Variants in MAB21L3 observed in about 807,000 individuals in gnomAD.
The protein encoded by MAB21L3 is mab-21 like 3.
In MAB21L3, 36 loss-of-function variants were observed where a neutral mutation model predicts 37.7. That is an observed-to-expected ratio of 0.96 (90% confidence interval 0.73 to 1.26). The LOEUF (loss-of-function observed/expected upper bound fraction) is 1.26, where lower values mean the gene tolerates loss of function less well. MAB21L3 is among the 50% of genes most tolerant of loss of function. The pLI is 0.00. For missense variants in MAB21L3, 430 were observed against 447.3 expected (o/e 0.96, Z 0.35); for synonymous variants, 186 against 176.8 (o/e 1.05, Z -0.41).
intron 3 of MAB21L3, among the ~76,000 whole-genome samples, chr1:116,118,378 CAA>C (rs71686471): frequency 4.6e-4 from 66 of 143,462 alleles, no homozygotes; most frequent in African/African-American, 1.1e-3. Flanking sequence ...GAGAATCCAT[CAA>C]AAAAAAAAAA....
At position 116,135,305 on chromosome 1, in the gene MAB21L3, G is replaced by T. The variant is rs550343049; in HGVS notation, c.*1940G>T. 4.6e-5 allele frequency: 7 copies of T among 151,964 alleles called. No homozygotes were observed. The highest frequency in any genetic ancestry group is 2.1e-4 in the South Asian group (1 of 4,824). 9.4% of individuals were successfully genotyped at this position (151,964 alleles called of 1,614,324 possible). On this transcript the variant is annotated 3_prime_UTR_variant, in exon 8 of 8. Coordinates refer to ENST00000369500, the MANE Select transcript of MAB21L3 (RefSeq NM_152367.3). The stretch of plus-strand genomic sequence containing the variant: ...AAATGATAAAGGGGATATCACCACC[G>T]ATCCCACAGAAATACAAACTACCAT...
Position 116,136,413 on chromosome 1 carries a change from A to C in MAB21L3, c.*3048A>C, listed in dbSNP as rs1660199281. 6.6e-6 allele frequency among the ~76,000 whole-genome samples: 1 copy of C among 151,984 alleles called. No individual in the cohort carries two copies. The highest frequency in any genetic ancestry group is 2.1e-4 in the South Asian group (1 of 4,828). Reference sequence around the variant, plus strand: ...AATAAAATACTTAGGAATCCAACTTACAAGGGACGTGAAGGACCTCTTCAA... The same window carrying C: ...AATAAAATACTTAGGAATCCAACTTCCAAGGGACGTGAAGGACCTCTTCAA... On this transcript the variant is annotated 3_prime_UTR_variant, in exon 8 of 8. Coordinates refer to ENST00000369500, the MANE Select transcript of MAB21L3 (RefSeq NM_152367.3).
intron 7 of MAB21L3, among the ~76,000 whole-genome samples, chr1:116,130,603 G>A (rs940142245): frequency 1.2e-4 from 19 of 152,200 alleles, no homozygotes; most frequent in African/African-American, 4.1e-4. Flanking sequence ...AGTGGAAGAG[G>A]TTGGGTTGCA....
At chr1:116,122,189 C>G (rs140531886) in intron 4 of MAB21L3, among the ~76,000 whole-genome samples, 43 of 152,260 alleles carry the variant, frequency 2.8e-4, no homozygotes, top group African/African-American at 9.9e-4. Context: ...GCAGGAACCA[C>G]CTAAGAGATT....
chr1:116,127,083 G>A (rs1340648282), intron 5 of MAB21L3, among the ~76,000 whole-genome samples: 4 of 152,136 alleles, frequency 2.6e-5, no homozygotes, highest in East Asian at 3.8e-4. Flanking sequence ...TGACCTCATC[G>A]TAAGTCAAGG....
At chr1:116,119,741 C>A (rs1659690639) in intron 3 of MAB21L3, among the ~76,000 whole-genome samples, 3 of 152,158 alleles carry the variant, frequency 2.0e-5, no homozygotes, top group African/African-American at 7.2e-5. Context: ...CTTGCAGACC[C>A]TTCCGTATCT....
chr1:116,121,605 C>T (rs1659751221), intron 4 of MAB21L3, among the ~76,000 whole-genome samples: 1 of 151,878 alleles, frequency 6.6e-6, no homozygotes, highest in Non-Finnish European at 1.5e-5. Flanking sequence ...GAACTGAGGG[C>T]ATCCATAAGA....
At chr1:116,125,765 C>G (rs1346777015) in intron 5 of MAB21L3, among the ~76,000 whole-genome samples, 1 of 151,854 alleles carries the variant, frequency 6.6e-6, no homozygotes. Flanking sequence ...AGTAAGAATT[C>G]TTTTCCTACC....
chr1:116,132,039 C>T (rs1660078740), intron 7 of MAB21L3, among the ~76,000 whole-genome samples: 1 of 152,096 alleles, frequency 6.6e-6, no homozygotes, highest in Admixed American at 6.5e-5. Context: ...GGAGGCAGAT[C>T]AGGTTTGTGC....
At chr1:116,113,987 C>A (rs1426071891) in intron 3 of MAB21L3, among the ~76,000 whole-genome samples, 2 of 152,274 alleles carry the variant, frequency 1.3e-5, no homozygotes, top group South Asian at 4.1e-4. Flanking sequence ...GGCCAAGGGC[C>A]CCAGCTCCTC....
intron 5 of MAB21L3, among the ~76,000 whole-genome samples, chr1:116,124,718 T>C (rs1230943634): frequency 2.6e-5 from 4 of 152,182 alleles, no homozygotes; most frequent in Admixed American, 2.0e-4. Flanking sequence ...ACATTTCTAC[T>C]GCAGCACCTC....
rs1660185249 is a variant in MAB21L3, at chr1:116,135,619, C to A, written c.*2254C>A. On this transcript the variant is annotated 3_prime_UTR_variant, in exon 8 of 8. Coordinates refer to ENST00000369500, the MANE Select transcript of MAB21L3 (RefSeq NM_152367.3). ...TTGAAAAAGAGGGAATCCTCCCTAA[C>A]TCATTTTATGAGGCCAGCATCATCC... 1.3e-5 allele frequency among the ~76,000 whole-genome samples: 2 copies of A among 152,246 alleles called. No individual in the cohort carries two copies. The highest frequency in any genetic ancestry group is 4.8e-5 in the African/African-American group (2 of 41,456).
rs59565874 is a variant in MAB21L3, at chr1:116,124,890, TACAC to T, written c.481+546_481+549del. 1.1e-4 allele frequency among the ~76,000 whole-genome samples: 13 copies of T among 116,042 alleles called. No individual in the cohort carries two copies. The East Asian group carries it at 1.9e-3, about 17-fold the overall frequency. 76.1% of individuals were successfully genotyped at this position (116,042 alleles called of 152,430 possible). A position where few individuals can be genotyped will look rare whatever the true frequency, so the allele number is the denominator to read the frequency against. ...ATGCATACACACACACACACACACA[TACAC>T]ACACACACACACTCCCTTTTTGTTC... is the stretch of plus-strand genomic sequence containing the variant. On this transcript the variant is annotated intron_variant, in intron 5 of 7. Coordinates refer to ENST00000369500, the MANE Select transcript of MAB21L3 (RefSeq NM_152367.3).
chr1:116,121,129 G>A, intron 4 of MAB21L3, 57 bp downstream of exon 4: 5 of 1,521,200 alleles, frequency 3.3e-6, no homozygotes, highest in Non-Finnish European at 4.5e-6. Context: ...ACTTGGGCAG[G>A]TGAATCTCAG....
chr1:116,128,020 C>T, intron 6 of MAB21L3, 125 bp from the exon 7 acceptor site: 1 of 1,007,114 alleles, frequency 9.9e-7, no homozygotes, highest in Non-Finnish European at 1.4e-6. Context: ...CCTTCTCATC[C>T]CCACGTAGGA....
Position 116,136,421 on chromosome 1 carries a change from C to T in MAB21L3, c.*3056C>T, listed in dbSNP as rs879697789. Among the ~76,000 whole-genome samples the T allele has an allele frequency of 0.021, 3,144 of 151,562 alleles. 70 individuals are homozygous for T. Among genetic ancestry groups the T allele is most frequent in the African/African-American group, 0.072 (2,986 of 41,342 alleles). On this transcript the variant is annotated 3_prime_UTR_variant, in exon 8 of 8. Coordinates refer to ENST00000369500, the MANE Select transcript of MAB21L3 (RefSeq NM_152367.3). ...ACTTAGGAATCCAACTTACAAGGGA[C>T]GTGAAGGACCTCTTCAAGGAGAACT...
Position 116,137,703 on chromosome 1 carries a change from T to C in MAB21L3, c.*4338T>C, listed in dbSNP as rs1330999027. Among the ~76,000 whole-genome samples, 1 of 151,960 alleles carries C rather than the reference T, an allele frequency of 6.6e-6. No individual in the cohort carries two copies. The highest frequency in any genetic ancestry group is 1.9e-4 in the East Asian group (1 of 5,158). On this transcript the variant is annotated 3_prime_UTR_variant, in exon 8 of 8. Coordinates refer to ENST00000369500, the MANE Select transcript of MAB21L3 (RefSeq NM_152367.3). ...ATGTTTATTGCGGCATTATTCACAA[T>C]AGCAGACTTGGAACCAACCCAAATA...
In MAB21L3 at chr1:116,112,426, A is replaced by G. The variant is rs1304014774; in HGVS notation, c.-190A>G. 2.1e-6 allele frequency: 1 copy of G among 468,856 alleles called. No homozygotes were observed. The highest frequency in any genetic ancestry group is 3.8e-6 in the Non-Finnish European group (1 of 260,476). The allele number at this position is 468,856 out of a possible 1,614,324, so 29.0% of individuals were successfully genotyped here. A position where few individuals can be genotyped will look rare whatever the true frequency, so the allele number is the denominator to read the frequency against. On this transcript the variant is annotated 5_prime_UTR_variant, in exon 3 of 8. Coordinates refer to ENST00000369500, the MANE Select transcript of MAB21L3 (RefSeq NM_152367.3). ...CAAAAGATGACAGATGGATTTTCAC[A>G]ATTTGGAAATAAAAACATGAGTGAA...
chr1:116,123,722 G>A (rs757345841), intron 4 of MAB21L3, among the ~76,000 whole-genome samples: 9 of 150,890 alleles, frequency 6.0e-5, no homozygotes, highest in South Asian at 2.1e-4. Context: ...TTAGAATTAC[G>A]GTGTTGCGTC....
Sources: gnomAD v4.1 joint callset for allele counts (sites outside exome capture counted in the v4.1 genomes callset) on GRCh38, gnomAD v4.1.1 for gene constraint, MANE v1.5 for transcripts, NCBI Gene and HGNC (gene_info 2026-07-23, HGNC 2026-07-21) for gene names.